The following PIGX variants were observed in gnomAD, a reference collection of about 807,000 sequenced individuals.
PIGX encodes phosphatidylinositol glycan anchor biosynthesis class X.
PIGX carries 24 observed loss-of-function variants against 28.7 expected under a neutral mutation model. That is an observed-to-expected ratio of 0.84 (90% CI 0.60 to 1.17). The LOEUF is 1.17. Among genes scored for constraint, PIGX ranks in the 50% most tolerant of loss-of-function variants. The pLI is 0.00. For synonymous variants in PIGX, 127 were observed against 121.0 expected (o/e 1.05, Z -0.33); for missense variants, 305 against 317.8 (o/e 0.96, Z 0.31).
At position 196,733,755 on chromosome 3, in the gene PIGX, A is replaced by C. The variant is rs994404376; in HGVS notation, c.634-4A>C. The C allele has an allele frequency of 1.2e-5, 19 of 1,589,124 alleles. No homozygotes were observed. The East Asian group carries it at 3.6e-4, about 30-fold the overall frequency. On this transcript the variant is annotated splice_polypyrimidine_tract_variant and splice_region_variant and intron_variant, in intron 5 of 5. Transcript: ENST00000392391. The surrounding 1 kb of genome is among the most constrained non-coding windows in gnomAD (Gnocchi z 4.3). ...ATGTCTAACTTCTCTCTCTCTCTCC[A>C]TAGGTATATAAGAATGTGATTCTAC...
chr3:196,723,437 G>A (rs1027301304), intron 3 of PIGX, among the ~76,000 whole-genome samples: 2 of 152,182 alleles, frequency 1.3e-5, no homozygotes, highest in Non-Finnish European at 2.9e-5. Context: ...AGATTGTCTA[G>A]TTGTAATGTT....
At chr3:196,718,719 T>A (rs1433358826) in intron 2 of PIGX, among the ~76,000 whole-genome samples, 2 of 152,214 alleles carry the variant, frequency 1.3e-5, no homozygotes, top group African/African-American at 4.8e-5. Context: ...TGGGTATTCT[T>A]GGCCTTATAA....
chr3:196,729,393 TTTTC>T (rs1444519698), intron 4 of PIGX, among the ~76,000 whole-genome samples: 21 of 151,242 alleles, frequency 1.4e-4, no homozygotes, highest in African/African-American at 3.9e-4. Flanking sequence ...TCTCAAGATG[TTTTC>T]TTTCTTTCTT....
intron 2 of PIGX, among the ~76,000 whole-genome samples, chr3:196,718,847 C>T (rs1712201222): frequency 6.6e-6 from 1 of 152,066 alleles, no homozygotes; most frequent in Non-Finnish European, 1.5e-5. Context: ...GTGTGTGCTA[C>T]ATTTAGGATT....
At chr3:196,729,129 C>T (rs1008583201) in intron 4 of PIGX, among the ~76,000 whole-genome samples, 3 of 151,856 alleles carry the variant, frequency 2.0e-5, no homozygotes, top group East Asian at 3.9e-4. Flanking sequence ...TTCAGGAGTT[C>T]GAGACCAGCC....
intron 1 of PIGX, among the ~76,000 whole-genome samples, chr3:196,713,748 A>T (rs904499626): frequency 2.6e-5 from 4 of 151,520 alleles, no homozygotes; most frequent in African/African-American, 9.7e-5. Flanking sequence ...AAGGCAGGAG[A>T]ATCGCTTGAA....
chr3:196,713,096 G>C (rs1424431949), intron 1 of PIGX: 1 of 985,320 alleles, frequency 1.0e-6, no homozygotes, highest in Non-Finnish European at 1.2e-6. Flanking sequence ...TACTGAGACG[G>C]GCAAGTGCGG....
chr3:196,721,440 T>TC (rs1712319213), intron 2 of PIGX: 2 of 156,258 alleles, frequency 1.3e-5, no homozygotes, highest in South Asian at 1.5e-4. Flanking sequence ...TCTCTCTCTC[T>TC]TTTTTTTTTC....
In PIGX at chr3:196,735,377, G is replaced by A. The variant is rs1712969912; in HGVS notation, c.*1475G>A. ...TCCAAAACAGAAGACATCAAACCAGGGTGTGTTGGCATTATTTATTTTATG... is the reference window on the plus strand; with the variant it reads ...TCCAAAACAGAAGACATCAAACCAGAGTGTGTTGGCATTATTTATTTTATG... On this transcript the variant is annotated 3_prime_UTR_variant, in exon 6 of 6. Coordinates refer to ENST00000392391, the MANE Select transcript of PIGX (RefSeq NM_017861.4). 6.7e-6 allele frequency: 1 copy of A among 150,142 alleles called. No individual in the cohort carries two copies. The highest frequency in any genetic ancestry group is 2.5e-5 in the African/African-American group (1 of 40,692). 9.3% of individuals were successfully genotyped at this position (150,142 alleles called of 1,614,324 possible). A position where few individuals can be genotyped will look rare whatever the true frequency, so the allele number is the denominator to read the frequency against.
intron 5 of PIGX, among the ~76,000 whole-genome samples, chr3:196,732,216 T>TTATATTTA (rs1553797086): frequency 3.9e-5 from 2 of 51,376 alleles, no homozygotes; most frequent in Non-Finnish European, 6.6e-5. Context: ...TATATATTAT[T>TTATATTTA]TATATATATA....
chr3:196,712,862 C>G (rs1334693274), intron 1 of PIGX: 4 of 1,086,094 alleles, frequency 3.7e-6, no homozygotes, highest in Non-Finnish European at 4.5e-6. Context: ...TCGGGCCCTG[C>G]GGTTCCCAGG....
chr3:196,730,747 C>CAA (rs965830812), intron 4 of PIGX, among the ~76,000 whole-genome samples: 607 of 40,116 alleles, frequency 0.015, 22 homozygotes, highest in Admixed American at 0.061. Flanking sequence ...GACTCTGTCT[C>CAA]AAAAAAAAAA....
rs1415551617 is a variant in PIGX, at chr3:196,712,537, C to T, written c.5C>T (p.Ala2Val). Residue 2 changes from alanine (A) to valine (V), a missense_variant, in exon 1 of 6, where the codon GCG becomes GTG. Physicochemically the swap from Ala to Val is moderately conservative, Grantham distance 64 (BLOSUM62 0). Transcript: ENST00000392391. ...GGGCGTCCGGCTTCCGGCGTCCTGGCGGCTCGGGTGGCGGCGGTTCGGGCG... is the reference window on the plus strand; with the variant it reads ...GGGCGTCCGGCTTCCGGCGTCCTGGTGGCTCGGGTGGCGGCGGTTCGGGCG... The T allele has an allele frequency of 2.1e-5, 24 of 1,168,908 alleles. No homozygotes were observed. The East Asian group carries it at 7.8e-4, about 38-fold the overall frequency. The allele number at this position is 1,168,908 out of a possible 1,614,324, so 72.4% of individuals were successfully genotyped here. A position where few individuals can be genotyped will look rare whatever the true frequency, so the allele number is the denominator to read the frequency against.
At position 196,735,294 on chromosome 3, in the gene PIGX, CAAAAAAAAAAAAAAAAAAA is replaced by C. The variant is rs60317348; in HGVS notation, c.*1404_*1422del. 1.3e-4 allele frequency: 6 copies of C among 45,236 alleles called. No homozygotes were observed. The South Asian group carries it at 9.1e-3, about 69-fold the overall frequency. The allele number at this position is 45,236 out of a possible 1,614,324, so 2.8% of individuals were successfully genotyped here. ...TGGGCGACAGAGTGAGACTCTGTCT[CAAAAAAAAAAAAAAAAAAA>C]AAAAAAAAAAAGTAAATAAAACCTT... On this transcript the variant is annotated 3_prime_UTR_variant, in exon 6 of 6. Transcript: ENST00000392391.
chr3:196,724,022 G>GTTTT (rs1462271791), intron 3 of PIGX, among the ~76,000 whole-genome samples: 2 of 129,976 alleles, frequency 1.5e-5, no homozygotes, highest in Non-Finnish European at 3.4e-5. Context: ...TTAATTTAAT[G>GTTTT]TTTTTTTTTT....
intron 3 of PIGX, among the ~76,000 whole-genome samples, chr3:196,724,610 A>G (rs931785275): frequency 6.6e-6 from 1 of 152,206 alleles, no homozygotes; most frequent in Admixed American, 6.5e-5. Flanking sequence ...TAACAAGTTT[A>G]TCTTGATCTT....
intron 3 of PIGX, among the ~76,000 whole-genome samples, chr3:196,725,688 C>T (rs1238130456): frequency 6.6e-6 from 1 of 152,020 alleles, no homozygotes; most frequent in East Asian, 1.9e-4. Flanking sequence ...AGGGAAAGAG[C>T]CATCTGACAA....
At chr3:196,730,909 T>C (rs1712725762) in intron 4 of PIGX, 83 bp from the exon 5 acceptor site, 2 of 728,642 alleles carry the variant, frequency 2.7e-6, no homozygotes, top group African/African-American at 1.8e-5. Context: ...GTTTGACAAC[T>C]TCTGTCTATT....
In PIGX at chr3:196,712,406, C is replaced by T. The variant is rs552730816; in HGVS notation, c.-127C>T. 1.3e-4 allele frequency: 49 copies of T among 367,636 alleles called. No individual in the cohort carries two copies. The highest frequency in any genetic ancestry group is 9.0e-4 in the Admixed American group (17 of 18,790). The allele number at this position is 367,636 out of a possible 1,614,324, so 22.8% of individuals were successfully genotyped here. On this transcript the variant is annotated 5_prime_UTR_variant, in exon 1 of 6. Transcript: ENST00000392391. ...GGGAACCGCGGGCGCTAGGCGCGCG[C>T]ACCCAGCACTCGGTCCCAGCCGATA... is the stretch of plus-strand genomic sequence containing the variant.
Sources: allele counts gnomAD v4.1 joint callset (sites outside exome capture counted in the v4.1 genomes callset), GRCh38; gene constraint gnomAD v4.1.1; non-coding constraint Gnocchi (gnomAD v3.1); transcripts MANE v1.5; gene names NCBI Gene and HGNC (gene_info 2026-07-23, HGNC 2026-07-21).